IGDCC3: variants seen among roughly 807,000 people sequenced by gnomAD.
IGDCC3 encodes the protein putative neuronal cell adhesion molecule.
A neutral mutation model predicts 72.0 loss-of-function variants in IGDCC3; 47 were observed. The observed-to-expected ratio is 0.65, with a 90% confidence interval of 0.52 to 0.83. The LOEUF (loss-of-function observed/expected upper bound fraction) is 0.83. IGDCC3 is among the 40% of genes least tolerant of loss of function. The pLI is 0.00. For synonymous variants in IGDCC3, 477 were observed against 472.8 expected (o/e 1.01, Z -0.11); for missense variants, 1,038 against 1,091.3 (o/e 0.95, Z 0.69).
At position 65,329,045 on chromosome 15, in the gene IGDCC3, G is replaced by C. The variant is rs1393401724; in HGVS notation, c.2309C>G (p.Thr770Arg). Reference protein sequence around the residue: ...MEGKTTEAKTTEATAPCAGLA... With the variant: ...MEGKTTEAKTREATAPCAGLA... ...GCCGGCGCAGGGAGCCGTGGCCTCT[G>C]TGGTCTTCGCCTCCGTCGTCTTCCC... The change falls in exon 14 of 14, where the codon ACA (threonine) becomes AGA (arginine). Residue 770 changes from threonine to arginine, a missense_variant. Physicochemically the swap from Thr to Arg is moderately conservative, Grantham distance 71. Coordinates refer to ENST00000327987, the MANE Select transcript of IGDCC3 (RefSeq NM_004884.4). This position sits in a 1 kb window ranked among gnomAD's most constrained non-coding sequence, Gnocchi z 4.1. 2 of 1,612,584 alleles carry C rather than the reference G, an allele frequency of 1.2e-6. No individual in the cohort carries two copies. The highest frequency in any genetic ancestry group is 1.7e-6 in the Non-Finnish European group (2 of 1,179,522).
At chr15:65,336,291 C>CCAAT (rs1046885020) in intron 2 of IGDCC3, among the ~76,000 whole-genome samples, 3 of 151,398 alleles carry the variant, frequency 2.0e-5, no homozygotes, top group Non-Finnish European at 4.4e-5. Flanking sequence ...CCCATGAAGG[C>CCAAT]CAATCAGACA....
Position 65,329,148 on chromosome 15 carries a change from G to C in IGDCC3, c.2206C>G (p.Gln736Glu), listed in dbSNP as rs2090952145. 5 of 1,603,036 alleles carry C rather than the reference G, an allele frequency of 3.1e-6. No individual in the cohort carries two copies. The East Asian group carries it at 8.9e-5, about 29-fold the overall frequency. Residue 736 changes from glutamine (Q) to glutamate (E), a missense_variant and splice_region_variant, in exon 14 of 14, where the codon CAG becomes GAG. Coordinates refer to ENST00000327987, the MANE Select transcript of IGDCC3 (RefSeq NM_004884.4). This position sits in a 1 kb window ranked among gnomAD's most constrained non-coding sequence, Gnocchi z 4.1. Reference sequence around the variant, plus strand: ...CACGGAGCGGGGGCTGCAGGATCCTGCTGGGGAAAGAGCCCGTCACACAGG... The same window carrying C: ...CACGGAGCGGGGGCTGCAGGATCCTCCTGGGGAAAGAGCCCGTCACACAGG... ...AAGQPDPRPT[Q>E]DPAAPAPCEE...
intron 2 of IGDCC3, among the ~76,000 whole-genome samples, chr15:65,368,346 T>C (rs573641414): frequency 6.6e-6 from 1 of 152,188 alleles, no homozygotes; most frequent in East Asian, 1.9e-4. Flanking sequence ...AGGCTGCAAA[T>C]GCCTCTCCTA....
chr15:65,339,657 C>T lies in IGDCC3; in HGVS notation c.410-3701G>A, dbSNP rs1201716856. Among the ~76,000 whole-genome samples, 1 of 152,158 alleles carries T rather than the reference C, an allele frequency of 6.6e-6. No individual in the cohort carries two copies. The highest frequency in any genetic ancestry group is 1.5e-5 in the Non-Finnish European group (1 of 68,034). On this transcript the variant is annotated intron_variant, in intron 2 of 13. Coordinates refer to ENST00000327987, the MANE Select transcript of IGDCC3 (RefSeq NM_004884.4). This position sits in a 1 kb window ranked among gnomAD's most constrained non-coding sequence, Gnocchi z 4.1. Reference sequence around the variant, plus strand: ...GGGCTGAGGGCCGGACTTCAGGGCACCCTGAGATCTGAACAAGTCACCCTG... The same window carrying T: ...GGGCTGAGGGCCGGACTTCAGGGCATCCTGAGATCTGAACAAGTCACCCTG...
At chr15:65,376,579 T>C (rs2140176178) in intron 1 of IGDCC3, among the ~76,000 whole-genome samples, 1 of 152,304 alleles carries the variant, frequency 6.6e-6, no homozygotes, top group East Asian at 1.9e-4. Context: ...GTTGGGGTTA[T>C]AGGCATTCCC....
intron 8 of IGDCC3, 41 bp downstream of exon 8, chr15:65,331,371 A>C (rs764132791): frequency 5.7e-6 from 9 of 1,575,042 alleles, no homozygotes; most frequent in Non-Finnish European, 7.8e-6. Context: ...AATAAGAAAT[A>C]GTGAATTAGA....
At chr15:65,370,574 G>GTA (rs201032581) in intron 2 of IGDCC3, among the ~76,000 whole-genome samples, 8 of 93,332 alleles carry the variant, frequency 8.6e-5, no homozygotes, top group East Asian at 3.8e-4. Flanking sequence ...ATATATGTAT[G>GTA]TATATATATG....
chr15:65,377,007 G>T lies in IGDCC3; in HGVS notation c.103+679C>A, dbSNP rs1057246694. ...GCGAGAGCCAGGGCAAGGTCTCCGC[G>T]TGTGCACACTTCGGGGAAGGGCAGG... On this transcript the variant is annotated intron_variant, in intron 1 of 13. Transcript: ENST00000327987. The surrounding 1 kb of genome is among the most constrained non-coding windows in gnomAD (Gnocchi z 4.9). 6.6e-6 allele frequency among the ~76,000 whole-genome samples: 1 copy of T among 152,100 alleles called. No individual in the cohort carries two copies. The highest frequency in any genetic ancestry group is 6.5e-5 in the Admixed American group (1 of 15,282).
chr15:65,364,251 A>G (rs2091276881), intron 2 of IGDCC3, among the ~76,000 whole-genome samples: 1 of 152,180 alleles, frequency 6.6e-6, no homozygotes, highest in African/African-American at 2.4e-5. Flanking sequence ...CAGCTTCCCC[A>G]CTTACTGTGT....
chr15:65,348,270 A>T (rs1026868256), intron 2 of IGDCC3, among the ~76,000 whole-genome samples: 4 of 152,196 alleles, frequency 2.6e-5, no homozygotes, highest in Non-Finnish European at 4.4e-5. Context: ...TTACTTTTTT[A>T]ATAAACTTGC....
intron 2 of IGDCC3, among the ~76,000 whole-genome samples, chr15:65,374,735 A>G (rs1319471493): frequency 6.6e-6 from 1 of 152,196 alleles, no homozygotes; most frequent in Non-Finnish European, 1.5e-5. Context: ...CCCTTAAAGT[A>G]TGGGAATGAT....
intron 2 of IGDCC3, among the ~76,000 whole-genome samples, chr15:65,370,216 G>C (rs989243517): frequency 6.6e-6 from 1 of 151,948 alleles, no homozygotes; most frequent in Non-Finnish European, 1.5e-5. Flanking sequence ...AATGATAATA[G>C]TTAATATTAT....
At position 65,329,060 on chromosome 15, in the gene IGDCC3, G is replaced by GTCGTCTTCCCCTCCA. The variant is rs2090950741; in HGVS notation, c.2279_2293dup (p.Met760_Thr764dup). ...CGTGGCCTCTGTGGTCTTCGCCTCC[G>GTCGTCTTCCCCTCCA]TCGTCTTCCCCTCCATCAGGCCGCA... On this transcript the variant is annotated inframe_insertion, in exon 14 of 14. Coordinates refer to ENST00000327987, the MANE Select transcript of IGDCC3 (RefSeq NM_004884.4). The surrounding 1 kb of genome is among the most constrained non-coding windows in gnomAD (Gnocchi z 4.1). 1 of 1,611,680 alleles carries GTCGTCTTCCCCTCCA rather than the reference G, an allele frequency of 6.2e-7. No individual in the cohort carries two copies. The highest frequency in any genetic ancestry group is 8.5e-7 in the Non-Finnish European group (1 of 1,179,164).
chr15:65,343,769 A>G (rs1218939524), intron 2 of IGDCC3, among the ~76,000 whole-genome samples: 3 of 152,220 alleles, frequency 2.0e-5, no homozygotes, highest in South Asian at 2.1e-4. Flanking sequence ...GAGGCCAGCC[A>G]TGTCAAATGC....
At position 65,377,750 on chromosome 15, in the gene IGDCC3, G is replaced by T; in HGVS notation, c.39C>A (p.Pro13=). ...VQRAASPRRP[P]APLWPRLLLP... Reference sequence around the variant, plus strand: ...GCAGGAGCCGGGGCCAGAGCGGGGCGGGCGGGCGGCGCGGAGACGCGGCGC... The same window carrying T: ...GCAGGAGCCGGGGCCAGAGCGGGGCTGGCGGGCGGCGCGGAGACGCGGCGC... Residue 13 remains proline (P), a synonymous_variant, in exon 1 of 14, where the codon CCC becomes CCA. Transcript: ENST00000327987. This position sits in a 1 kb window ranked among gnomAD's most constrained non-coding sequence, Gnocchi z 4.9. 7.6e-7 allele frequency: 1 copy of T among 1,317,560 alleles called. No homozygotes were observed. Among genetic ancestry groups the T allele is most frequent in the Admixed American group, 4.0e-5 (1 of 24,914 alleles). The allele number at this position is 1,317,560 out of a possible 1,614,324, so 81.6% of individuals were successfully genotyped here.
At chr15:65,361,121 C>G (rs1020525195) in intron 2 of IGDCC3, among the ~76,000 whole-genome samples, 1 of 152,134 alleles carries the variant, frequency 6.6e-6, no homozygotes, top group Non-Finnish European at 1.5e-5. Flanking sequence ...TTGTCTAGCT[C>G]TAGCTCCTTG....
At chr15:65,343,405 G>C (rs1453527087) in intron 2 of IGDCC3, among the ~76,000 whole-genome samples, 2 of 151,368 alleles carry the variant, frequency 1.3e-5, no homozygotes, top group African/African-American at 4.9e-5. Flanking sequence ...GAATGGTGTG[G>C]GGGGAGGACA....
At position 65,329,421 on chromosome 15, in the gene IGDCC3, C is replaced by T; in HGVS notation, c.2174G>A (p.Ser725Asn). Residue 725 changes from serine to asparagine, a missense_variant, in exon 13 of 14, where the codon AGC becomes AAC. By Grantham distance (46) the Ser-to-Asn change is conservative. Transcript: ENST00000327987. The surrounding 1 kb of genome is among the most constrained non-coding windows in gnomAD (Gnocchi z 4.1). ...KELEQLFPPA[S>N]AAGQPDPRPT... ...TCTGGGGTCCGGCTGCCCTGCTGCG[C>T]TGGCCGGGGGGAACAGCTGCTCCAG... 1.3e-6 allele frequency: 2 copies of T among 1,599,760 alleles called. No homozygotes were observed. The highest frequency in any genetic ancestry group is 1.7e-6 in the Non-Finnish European group (2 of 1,175,108).
chr15:65,355,194 C>A (rs1473413018), intron 2 of IGDCC3, among the ~76,000 whole-genome samples: 4 of 152,148 alleles, frequency 2.6e-5, no homozygotes, highest in African/African-American at 9.7e-5. Flanking sequence ...CGGGGCCCCA[C>A]TGCAGGCATT....
Sources: allele counts gnomAD v4.1 joint callset (sites outside exome capture counted in the v4.1 genomes callset), GRCh38; gene constraint gnomAD v4.1.1; non-coding constraint Gnocchi (gnomAD v3.1); transcripts MANE v1.5; gene names NCBI Gene and HGNC (gene_info 2026-07-23, HGNC 2026-07-21).